Variants in GP6 observed in about 807,000 individuals in gnomAD.
The protein encoded by GP6 is glycoprotein VI platelet.
GP6 carries 45 observed loss-of-function variants against 37.3 expected under a neutral mutation model. That is an observed-to-expected ratio of 1.21 (90% CI 0.95 to 1.55). The LOEUF (loss-of-function observed/expected upper bound fraction) is 1.55, where lower values mean the gene tolerates loss of function less well. Among genes scored for constraint, GP6 ranks in the 40% most tolerant of loss-of-function variants. GP6 has a pLI of 0.00. For missense variants in GP6, 813 were observed against 760.2 expected (o/e 1.07, Z -0.82); for synonymous variants, 340 against 316.4 (o/e 1.07, Z -0.79).
intron 5 of GP6, among the ~76,000 whole-genome samples, 187 bp downstream of exon 5, chr19:55,025,031 G>A (rs887073938): frequency 9.2e-5 from 14 of 152,176 alleles, no homozygotes; most frequent in Non-Finnish European, 1.9e-4. Flanking sequence ...ATTGGGGGCA[G>A]CATCTTAACA....
At position 55,033,197 on chromosome 19, in the gene GP6, C is replaced by T. The variant is rs1480673867; in HGVS notation, c.35-659G>A. On this transcript the variant is annotated intron_variant, in intron 1 of 7. Transcript: ENST00000310373. ...TCGTTCGTGTTAGACGCGGTGGACTCCTTCGTGTTGTGTTAGACACGGTGG... is the reference window on the plus strand; with the variant it reads ...TCGTTCGTGTTAGACGCGGTGGACTTCTTCGTGTTGTGTTAGACACGGTGG... Among the ~76,000 whole-genome samples, 3 of 119,294 alleles carry T rather than the reference C, an allele frequency of 2.5e-5. 1 individual carries two copies. Among genetic ancestry groups the T allele is most frequent in the African/African-American group, 9.5e-5 (3 of 31,668 alleles). The allele number at this position is 119,294 out of a possible 152,430, so 78.3% of individuals were successfully genotyped here. A position where few individuals can be genotyped will look rare whatever the true frequency, so the allele number is the denominator to read the frequency against.
chr19:55,030,669 TA>T (rs761918240), intron 3 of GP6, among the ~76,000 whole-genome samples: 3 of 149,958 alleles, frequency 2.0e-5, no homozygotes, highest in African/African-American at 2.4e-5. Flanking sequence ...AAAAAATAAA[TA>T]AATAAGAAAA....
intron 6 of GP6, 85 bp from the exon 7 acceptor site, chr19:55,015,818 T>C (rs1349376206): frequency 7.7e-6 from 6 of 775,362 alleles, no homozygotes; most frequent in African/African-American, 3.6e-5. Context: ...CACACACACA[T>C]GGGGAGGCAC....
intron 5 of GP6, among the ~76,000 whole-genome samples, chr19:55,022,016 T>C (rs1400397506): frequency 6.6e-6 from 1 of 152,068 alleles, no homozygotes; most frequent in Non-Finnish European, 1.5e-5. Flanking sequence ...TTCTTGTAAA[T>C]TTGTTTAACT....
At chr19:55,016,044 G>A (rs2073861622) in intron 6 of GP6, among the ~76,000 whole-genome samples, 1 of 151,964 alleles carries the variant, frequency 6.6e-6, no homozygotes, top group Non-Finnish European at 1.5e-5. Context: ...TGGAGGCTGA[G>A]GCAGGAAGAT....
intron 7 of GP6, among the ~76,000 whole-genome samples, 158 bp from the exon 8 acceptor site, chr19:55,015,323 G>A (rs926529708): frequency 6.6e-5 from 10 of 152,146 alleles, no homozygotes; most frequent in Admixed American, 6.5e-4. Context: ...GTAGGGGTCA[G>A]GGCCAGATGA....
Position 55,029,669 on chromosome 19 carries a change from C to T in GP6, c.326-1807G>A, listed in dbSNP as rs191436409. Among the ~76,000 whole-genome samples the T allele has an allele frequency of 4.0e-5, 6 of 150,766 alleles. No homozygotes were observed. In the Admixed American group the frequency reaches 4.0e-4, roughly 10 times the overall value. ...CCTCCCAAAGTGCTGGCATTACAGG[C>T]GTGAGCCACCGTGCCCGACCAGGAA... is the stretch of plus-strand genomic sequence containing the variant. On this transcript the variant is annotated intron_variant, in intron 3 of 7. Coordinates refer to ENST00000310373, the MANE Select transcript of GP6 (RefSeq NM_001083899.2).
At chr19:55,027,920 G>C (rs2074375274) in intron 3 of GP6, 58 bp from the exon 4 acceptor site, 1 of 1,560,742 alleles carries the variant, frequency 6.4e-7, no homozygotes, top group Non-Finnish European at 8.8e-7. Context: ...AGCTGAGACT[G>C]GGGAGGTCCC....
chr19:55,018,519 C>T, intron 6 of GP6, 133 bp downstream of exon 6: 5 of 774,492 alleles, frequency 6.5e-6, no homozygotes, highest in Non-Finnish European at 9.5e-6. Context: ...GCTCTAGCCT[C>T]ACACCAAGGA....
At chr19:55,031,257 T>G (rs979463474) in intron 3 of GP6, among the ~76,000 whole-genome samples, 8 of 152,302 alleles carry the variant, frequency 5.3e-5, no homozygotes, top group African/African-American at 1.9e-4. Context: ...GTCTAAAAAT[T>G]ACTCCAAAAC....
At chr19:55,037,796 T>C (rs1401851578) in intron 1 of GP6, among the ~76,000 whole-genome samples, 2 of 151,724 alleles carry the variant, frequency 1.3e-5, no homozygotes, top group Non-Finnish European at 2.9e-5. Context: ...CACGCCCGGC[T>C]AATTTTTGTA....
intron 3 of GP6, among the ~76,000 whole-genome samples, chr19:55,029,935 G>A (rs762687597): frequency 1.3e-4 from 20 of 152,058 alleles, no homozygotes; most frequent in Non-Finnish European, 2.5e-4. Flanking sequence ...GATTTATAAC[G>A]CGGAATAGAC....
At position 55,027,549 on chromosome 19, in the gene GP6, A is replaced by T. The variant is rs544932180; in HGVS notation, c.610+29T>A. 42 of 1,593,830 alleles carry T rather than the reference A, an allele frequency of 2.6e-5. 1 individual carries two copies. In the East Asian group the frequency reaches 8.3e-4, roughly 31 times the overall value. ...CCATCAGGACCTATAAAGGCTGAGG[A>T]AGAAAGGTTTGGTCTGCACTACCCC... On this transcript the variant is annotated intron_variant, in intron 4 of 7. Coordinates refer to ENST00000310373, the MANE Select transcript of GP6 (RefSeq NM_001083899.2).
rs144557538 is a variant in GP6 at position 55,024,618 on chromosome 19, G to T, written c.664+600C>A. 5.3e-5 allele frequency among the ~76,000 whole-genome samples: 8 copies of T among 152,310 alleles called. No homozygotes were observed. The East Asian group carries it at 1.5e-3, about 29-fold the overall frequency. On this transcript the variant is annotated intron_variant, in intron 5 of 7. Coordinates refer to ENST00000310373, the MANE Select transcript of GP6 (RefSeq NM_001083899.2). ...TTCAGCTGAGATGTTTGTGAAAGTG[G>T]AGGGGATAACACGCCTCACACAAAA...
chr19:55,022,829 A>C (rs560512584), intron 5 of GP6, among the ~76,000 whole-genome samples: 1 of 152,228 alleles, frequency 6.6e-6, no homozygotes, highest in Non-Finnish European at 1.5e-5. Context: ...TTCAAGGAGA[A>C]CTACAATTCA....
intron 5 of GP6, among the ~76,000 whole-genome samples, chr19:55,023,458 A>G (rs137956442): frequency 1.3e-5 from 2 of 152,200 alleles, no homozygotes; most frequent in Middle Eastern, 3.4e-3. Flanking sequence ...TTTCCTTGCA[A>G]TAGTAAGTGA....
At chr19:55,024,306 A>ACACACGCACGCACACACG (rs1349547133) in intron 5 of GP6, among the ~76,000 whole-genome samples, 1 of 142,046 alleles carries the variant, frequency 7.0e-6, no homozygotes, top group South Asian at 2.2e-4. Context: ...GCATGCACAC[A>ACACACGCACGCACACACG]CATATGCACG....
In GP6 at chr19:55,032,221, A is replaced by G; in HGVS notation, c.243T>C (p.Ser81=). 6.2e-7 allele frequency: 1 copy of G among 1,614,066 alleles called. No individual in the cohort carries two copies. The highest frequency in any genetic ancestry group is 8.5e-7 in the Non-Finnish European group (1 of 1,179,972). Residue 81 remains serine, a synonymous_variant, in exon 3 of 8, where the codon AGT becomes AGC. Coordinates refer to ENST00000310373, the MANE Select transcript of GP6 (RefSeq NM_001083899.2). ...AGGAGCAGCGGTAGCGTCCAGCCAG[A>G]CTTCTCTTCATGGCCGGGATGAAGA...
At position 55,014,937 on chromosome 19, in the gene GP6, C is replaced by T. The variant is rs767901432; in HGVS notation, c.1008G>A (p.Pro336=). 71 of 1,612,334 alleles carry T rather than the reference C, an allele frequency of 4.4e-5. No homozygotes were observed. The highest frequency in any genetic ancestry group is 4.3e-5 in the Non-Finnish European group (51 of 1,179,558). Residue 336 remains proline (P), a synonymous_variant, in exon 8 of 8, where the codon CCG becomes CCA. Coordinates refer to ENST00000310373, the MANE Select transcript of GP6 (RefSeq NM_001083899.2). ...GTTCAGCGGTCATGAACATAACCCGCGGCTGTGAACATCCTGTCGGCCTCC... is the reference window on the plus strand; with the variant it reads ...GTTCAGCGGTCATGAACATAACCCGTGGCTGTGAACATCCTGTCGGCCTCC...
Sources: gnomAD v4.1 joint callset for allele counts (sites outside exome capture counted in the v4.1 genomes callset) on GRCh38, gnomAD v4.1.1 for gene constraint, MANE v1.5 for transcripts, NCBI Gene and HGNC (gene_info 2026-07-23, HGNC 2026-07-21) for gene names.